Variants in DAB1 observed in about 807,000 individuals in gnomAD.
DAB1 encodes the protein disabled homolog 1.
In DAB1, 15 loss-of-function variants were observed where a neutral mutation model predicts 64.6. That is an observed-to-expected ratio of 0.23 (90% CI 0.16 to 0.36). The LOEUF (loss-of-function observed/expected upper bound fraction) is 0.36. DAB1 is among the 10% of genes least tolerant of loss of function. The pLI, the probability that DAB1 is intolerant of heterozygous loss-of-function variation, is 1.00. For synonymous variants in DAB1, 235 were observed against 251.9 expected, an observed-to-expected ratio of 0.93 and a Z score of 0.64; for missense variants, 596 against 706.7, an observed-to-expected ratio of 0.84 and a Z score of 1.78.
intron 3 of DAB1, among the ~76,000 whole-genome samples, chr1:58,389,457 C>T (rs999124361): frequency 2.6e-5 from 4 of 152,186 alleles, no homozygotes; most frequent in Non-Finnish European, 5.9e-5. Context: ...CTGCCTATAA[C>T]ACCAACAGGC....
chr1:57,437,010 T>C (rs1461180987), intron 7 of DAB1, among the ~76,000 whole-genome samples: 2 of 119,516 alleles, frequency 1.7e-5, no homozygotes, highest in African/African-American at 6.7e-5. Context: ...CACTCCAGCT[T>C]GGGTGACAGA....
intron 6 of DAB1, among the ~76,000 whole-genome samples, chr1:57,795,265 T>G (rs1650791639): frequency 6.6e-6 from 1 of 152,224 alleles, no homozygotes; most frequent in Non-Finnish European, 1.5e-5. Flanking sequence ...AAAAAATTGT[T>G]AGCAGAGACA....
chr1:57,991,845 CAAAAAAAAAA>C (rs56324635), intron 5 of DAB1, among the ~76,000 whole-genome samples: 1 of 60,144 alleles, frequency 1.7e-5, no homozygotes, highest in Non-Finnish European at 2.8e-5. Context: ...GGCTCTGTCT[CAAAAAAAAAA>C]AAAAAAAAAA....
chr1:57,583,446 C>T (rs1472472019), intron 7 of DAB1, among the ~76,000 whole-genome samples: 1 of 151,926 alleles, frequency 6.6e-6, no homozygotes, highest in Non-Finnish European at 1.5e-5. Context: ...GCCAATATGC[C>T]CAGCTAATTT....
intron 5 of DAB1, among the ~76,000 whole-genome samples, chr1:58,031,831 C>A (rs1243061933): frequency 1.3e-5 from 2 of 152,120 alleles, no homozygotes; most frequent in Admixed American, 6.6e-5. Flanking sequence ...AAGGTTTAGA[C>A]TCTGGAGCAG....
intron 5 of DAB1, among the ~76,000 whole-genome samples, chr1:58,079,307 C>T (rs900737395): frequency 6.6e-6 from 1 of 152,116 alleles, no homozygotes; most frequent in African/African-American, 2.4e-5. Flanking sequence ...ACTGCACCCT[C>T]TCCACTTACT....
intron 3 of DAB1, among the ~76,000 whole-genome samples, chr1:58,368,217 T>C (rs1327450519): frequency 6.6e-6 from 1 of 152,168 alleles, no homozygotes; most frequent in Non-Finnish European, 1.5e-5. Context: ...TGGTGCTACA[T>C]AGCTACATAT....
At chr1:58,334,231 C>G (rs1663045865) in intron 4 of DAB1, among the ~76,000 whole-genome samples, 1 of 152,140 alleles carries the variant, frequency 6.6e-6, no homozygotes, top group East Asian at 1.9e-4. Flanking sequence ...CTCTCACCTC[C>G]ACCATGACAA....
chr1:57,178,519 T>C (rs1211143023), intron 2 of DAB1, among the ~76,000 whole-genome samples: 2 of 152,154 alleles, frequency 1.3e-5, no homozygotes, highest in African/African-American at 4.8e-5. Flanking sequence ...TACATGAAAT[T>C]TGAAATCTGA....
upstream of DAB1, among the ~76,000 whole-genome samples, chr1:57,427,485 A>G (rs1315351229): frequency 2.6e-5 from 4 of 152,210 alleles, no homozygotes; most frequent in Admixed American, 2.0e-4. Context: ...AGCCTATGTA[A>G]GTGCTGGTTG....
intron 5 of DAB1, among the ~76,000 whole-genome samples, chr1:57,903,175 G>C (rs569423648): frequency 1.3e-5 from 2 of 152,214 alleles, no homozygotes; most frequent in South Asian, 2.1e-4. Flanking sequence ...TGACACGTGG[G>C]AATTATGGGA....
chr1:57,117,210 A>G (rs1399490692), intron 4 of DAB1, among the ~76,000 whole-genome samples: 1 of 152,220 alleles, frequency 6.6e-6, no homozygotes, highest in African/African-American at 2.4e-5. Context: ...TGTACTGCAT[A>G]TAAAAAAGCG....
At chr1:57,848,466 G>A (rs1406903658) in intron 1 of DAB1, among the ~76,000 whole-genome samples, 3 of 152,258 alleles carry the variant, frequency 2.0e-5, no homozygotes, top group African/African-American at 7.2e-5. Context: ...ATATAGTAAT[G>A]TAATATAATA....
chr1:57,144,426 T>C (rs1658910019), intron 3 of DAB1, among the ~76,000 whole-genome samples: 1 of 152,144 alleles, frequency 6.6e-6, no homozygotes. Flanking sequence ...CCGGGCACAG[T>C]GGCTCACGCC....
At chr1:57,569,256 C>CAAAAAAA (rs3991203) in intron 7 of DAB1, among the ~76,000 whole-genome samples, 162 of 67,152 alleles carry the variant, frequency 2.4e-3, no homozygotes, top group Admixed American at 3.2e-3. Context: ...GACTCCGTCT[C>CAAAAAAA]AAAAAAAAAA....
chr1:57,070,847 T>C, intron 7 of DAB1, 176 bp downstream of exon 7: 1 of 663,138 alleles, frequency 1.5e-6, no homozygotes, highest in South Asian at 1.8e-5. Flanking sequence ...GCCAAACTTC[T>C]GTTAGTTTTT....
chr1:57,870,149 ATATC>A (rs1392508313), intron 1 of DAB1, among the ~76,000 whole-genome samples: 1 of 152,126 alleles, frequency 6.6e-6, no homozygotes, highest in South Asian at 2.1e-4. Context: ...GAAATATACT[ATATC>A]TAAGTGGCAT....
intron 3 of DAB1, among the ~76,000 whole-genome samples, chr1:58,397,381 C>T (rs1228858): frequency 0.071 from 10,882 of 152,212 alleles, 429 homozygotes; most frequent in Non-Finnish European, 0.091. Flanking sequence ...CAGTCCAGGC[C>T]CTGGGACCAG....
chr1:57,304,814 G>A (rs1423083645), intron 1 of DAB1, among the ~76,000 whole-genome samples: 2 of 152,064 alleles, frequency 1.3e-5, no homozygotes, highest in African/African-American at 4.8e-5. Flanking sequence ...AATGAGTTAG[G>A]AAACAATTAT....
Sources: allele counts gnomAD v4.1 joint callset (sites outside exome capture counted in the v4.1 genomes callset), GRCh38; gene constraint gnomAD v4.1.1; transcripts MANE v1.5; gene names NCBI Gene and HGNC (gene_info 2026-07-23, HGNC 2026-07-21).